The following ARHGEF6 variants were observed in gnomAD, a reference collection of about 807,000 sequenced individuals.
ARHGEF6 encodes rho guanine nucleotide exchange factor 6.
In ARHGEF6, 9 loss-of-function variants were observed where a neutral mutation model predicts 70.3. The ratio of observed to expected loss-of-function variants is 0.13; its 90% CI spans 0.08 to 0.22. The LOEUF (loss-of-function observed/expected upper bound fraction) is 0.22. Ranked by LOEUF, ARHGEF6 falls within the 10% of genes least tolerant of loss-of-function variation. The pLI, the probability that ARHGEF6 is intolerant of heterozygous loss-of-function variation, is 1.00. For missense variants in ARHGEF6, 470 were observed against 563.0 expected, an observed-to-expected ratio of 0.83 and a Z score of 1.67; for synonymous variants, 201 against 207.8, an observed-to-expected ratio of 0.97 and a Z score of 0.28.
At chrX:136,686,621 T>TACAC (rs1176678410) in intron 11 of ARHGEF6, among the ~76,000 whole-genome samples, 1 of 68,555 alleles carries the variant, frequency 1.5e-5, no homozygotes, top group African/African-American at 7.9e-5. Flanking sequence ...TATATATATA[T>TACAC]ACACATATAT....
At chrX:136,685,541 A>G in intron 12 of ARHGEF6, 136 bp downstream of exon 12, 2 of 666,284 alleles carry the variant, frequency 3.0e-6, no homozygotes, top group Non-Finnish European at 4.6e-6. Flanking sequence ...CAGGAGGCAG[A>G]GGTTGCAGTG....
chrX:136,767,231 G>C, intron 2 of ARHGEF6: 1 of 755,167 alleles, frequency 1.3e-6, no homozygotes, highest in South Asian at 6.7e-5. Context: ...TCGCCCTCCC[G>C]AGTCACGGGG....
chrX:136,739,435 C>T (rs1402698914), intron 5 of ARHGEF6, among the ~76,000 whole-genome samples: 2 of 111,658 alleles, frequency 1.8e-5, no homozygotes, highest in African/African-American at 3.3e-5. Context: ...GTATAGATTG[C>T]GCCTAGGAGG....
intron 2 of ARHGEF6, among the ~76,000 whole-genome samples, chrX:136,770,030 G>T (rs761607734): frequency 3.6e-5 from 4 of 112,291 alleles, no homozygotes; most frequent in South Asian, 3.7e-4. Context: ...ATCCAGTGTT[G>T]CCAGGGACAG....
chrX:136,734,088 G>A (rs983842239), intron 5 of ARHGEF6, among the ~76,000 whole-genome samples: 1 of 112,308 alleles, frequency 8.9e-6, no homozygotes, highest in Non-Finnish European at 1.9e-5. Flanking sequence ...CAATGCTCAA[G>A]GCAGAACTGT....
At position 136,717,595 on chromosome X, in the gene ARHGEF6, T is replaced by C. The variant is rs764706070; in HGVS notation, c.733-4225A>G. ...ACTTTTTTCTTATTTTTAATTGACC[T>C]AATAGATAACAGTTTATTCAAAATA... On this transcript the variant is annotated intron_variant, in intron 6 of 21. Transcript: ENST00000250617. Among the ~76,000 whole-genome samples the C allele has an allele frequency of 2.2e-3, 252 of 112,221 alleles. 2 individuals are homozygous for C. Among genetic ancestry groups the C allele is most frequent in the South Asian group, 6.9e-3 (19 of 2,738 alleles).
intron 2 of ARHGEF6, among the ~76,000 whole-genome samples, chrX:136,765,677 T>C (rs5975792): frequency 0.086 from 9,664 of 112,712 alleles, 418 homozygotes; most frequent in Middle Eastern, 0.18. Context: ...AAATGTCACA[T>C]TTTAGTAAAA....
chrX:136,672,488 A>ACACAC (rs2076235206), intron 19 of ARHGEF6, among the ~76,000 whole-genome samples: 1 of 111,895 alleles, frequency 8.9e-6, no homozygotes, highest in Non-Finnish European at 1.9e-5. Flanking sequence ...CCAAGGAAGG[A>ACACAC]CACACTACAT....
intron 6 of ARHGEF6, among the ~76,000 whole-genome samples, chrX:136,731,468 G>A (rs1354022725): frequency 8.9e-6 from 1 of 112,129 alleles, no homozygotes; most frequent in Non-Finnish European, 1.9e-5. Context: ...GCCAAGTCTG[G>A]AAAGGAGACA....
In ARHGEF6 at chrX:136,706,953, T is replaced by C; in HGVS notation, c.1001A>G (p.Tyr334Cys). Residue 334 changes from tyrosine (Y) to cysteine (C), a missense_variant, in exon 9 of 22, where the codon TAC (tyrosine) becomes TGC (cysteine). Physicochemically the swap from Tyr to Cys is radical, Grantham distance 194. This residue lies in a region of ARHGEF6 where 379 missense variants were observed against 449.3 expected (regional missense o/e 0.84). Coordinates refer to ENST00000250617, the MANE Select transcript of ARHGEF6 (RefSeq NM_004840.3). ...TACAGCTGAAGGATGGTTTGCACAG[T>C]AAGCCAGATACATAGATTTAAAATG... ...MPHFKSMYLA[Y>C]CANHPSAVNV... The C allele has an allele frequency of 8.3e-7, 1 of 1,210,987 alleles. No individual in the cohort carries two copies. Among genetic ancestry groups the C allele is most frequent in the East Asian group, 3.0e-5 (1 of 33,831 alleles).
chrX:136,727,371 TTCTTTCTTTCTTTCTTTCTTTCTTTC>T (rs1569410926), intron 6 of ARHGEF6, among the ~76,000 whole-genome samples: 20 of 61,129 alleles, frequency 3.3e-4, no homozygotes, highest in Non-Finnish European at 5.2e-4. Context: ...CTTTCTTTCT[TTCTTTCTTTCTTTCTTTCTTTCTTTC>T]TCTCTCTCTC....
chrX:136,707,714 C>T (rs2076639914), intron 8 of ARHGEF6, among the ~76,000 whole-genome samples: 1 of 111,636 alleles, frequency 9.0e-6, no homozygotes, highest in Non-Finnish European at 1.9e-5. Flanking sequence ...TCCCTCTTGG[C>T]CCCTCAAGTC....
In ARHGEF6 at chrX:136,704,731, A is replaced by G. The variant is rs781409007; in HGVS notation, c.1046+2177T>C. ...CAGCTTGGGGAAAACCACCCCCATG[A>G]TCCAGTCACCTCCCACCTGGTCCCT... is the stretch of plus-strand genomic sequence containing the variant. On this transcript the variant is annotated intron_variant, in intron 9 of 21. Transcript: ENST00000250617. Among the ~76,000 whole-genome samples the G allele has an allele frequency of 1.2e-4, 13 of 111,863 alleles. No homozygotes were observed. In the East Asian group the frequency reaches 2.8e-3, roughly 24 times the overall value.
intron 1 of ARHGEF6, 149 bp downstream of exon 1, chrX:136,780,569 A>G (rs771423697): frequency 4.9e-6 from 3 of 612,699 alleles, no homozygotes; most frequent in Non-Finnish European, 7.9e-6. Flanking sequence ...TTTTCAAACT[A>G]CAAAAACAGT....
In ARHGEF6 at chrX:136,672,030, T is replaced by C. The variant is rs2076230024; in HGVS notation, c.2125A>G (p.Met709Val). ...EETRSNGQTI[M>V]EEKSLVDTVY... is the part of the protein sequence containing the mutation. ...GCCTGCTCTACTCACTTTTCTTCCA[T>C]GATGGTCTGGCCGTTGCTTCTGGTT... The change falls in exon 20 of 22, where the codon ATG becomes GTG. Residue 709 changes from methionine (M) to valine (V), a missense_variant. Met to Val is a conservative substitution (Grantham distance 21, BLOSUM62 1). Around this residue, in one of 3 missense-constraint regions of ARHGEF6, gnomAD observed 88 missense variants for 95.5 expected, o/e 0.92. Coordinates refer to ENST00000250617, the MANE Select transcript of ARHGEF6 (RefSeq NM_004840.3). 1 of 1,206,357 alleles carries C rather than the reference T, an allele frequency of 8.3e-7. No homozygotes were observed. Among genetic ancestry groups the C allele is most frequent in the South Asian group, 1.8e-5 (1 of 56,744 alleles).
intron 4 of ARHGEF6, among the ~76,000 whole-genome samples, 157 bp downstream of exon 4, chrX:136,745,066 C>A (rs750235570): frequency 8.9e-5 from 10 of 112,176 alleles, no homozygotes; most frequent in Non-Finnish European, 1.1e-4. Context: ...TTTGCTCCTT[C>A]GGGCCAGCCT....
chrX:136,732,399 G>A (rs1457639134), intron 5 of ARHGEF6, among the ~76,000 whole-genome samples: 1 of 111,930 alleles, frequency 8.9e-6, no homozygotes, highest in Non-Finnish European at 1.9e-5. Context: ...AAGGAGTTAA[G>A]ACCTAACTAA....
intron 2 of ARHGEF6, among the ~76,000 whole-genome samples, chrX:136,779,193 A>G (rs2077428651): frequency 8.9e-6 from 1 of 112,143 alleles, no homozygotes; most frequent in Admixed American, 9.5e-5. Context: ...TGCTGTATAT[A>G]AAAGGCATTA....
At chrX:136,753,541 CA>C (rs2077173908) in intron 2 of ARHGEF6, among the ~76,000 whole-genome samples, 1 of 111,637 alleles carries the variant, frequency 9.0e-6, no homozygotes, top group Non-Finnish European at 1.9e-5. Flanking sequence ...CTTCAGTTCT[CA>C]AGGCTCTTGA....
Sources: allele counts gnomAD v4.1 joint callset (sites outside exome capture counted in the v4.1 genomes callset), GRCh38; gene constraint gnomAD v4.1.1; regional missense constraint gnomAD v4.1.1; transcripts MANE v1.5; gene names NCBI Gene and HGNC (gene_info 2026-07-23, HGNC 2026-07-21).